TCOF1: variants seen among roughly 807,000 people sequenced by gnomAD.
TCOF1 encodes treacle ribosome biogenesis factor 1, also known as treacle protein.
In TCOF1, 33 loss-of-function variants were observed where a neutral mutation model predicts 149.0. The ratio of observed to expected loss-of-function variants is 0.22; its 90% confidence interval spans 0.17 to 0.30. TCOF1 has a LOEUF of 0.30. Ranked by LOEUF, TCOF1 falls within the 10% of genes least tolerant of loss-of-function variation. The pLI, the probability that TCOF1 is intolerant of heterozygous loss-of-function variation, is 1.00. For synonymous variants in TCOF1, 789 were observed against 738.8 expected, an observed-to-expected ratio of 1.07 and a Z score of -1.10; for missense variants, 1,728 against 1,840.7, an observed-to-expected ratio of 0.94 and a Z score of 1.12.
Position 150,397,683 on chromosome 5 carries a change from C to T in TCOF1, c.4346-671C>T, listed in dbSNP as rs867031998. ...AGCCAGCTCGTTCTGGAACAAAAGT[C>T]GGGCACCCTCAGAGCAGGACTTGCA... is the stretch of plus-strand genomic sequence containing the variant. On this transcript the variant is annotated intron_variant, in intron 24 of 26. Coordinates refer to ENST00000643257, the MANE Select transcript of TCOF1 (RefSeq NM_001371623.1). Among the ~76,000 whole-genome samples the T allele has an allele frequency of 7.9e-5, 12 of 152,292 alleles. No homozygotes were observed. The South Asian group carries it at 1.2e-3, about 16-fold the overall frequency.
chr5:150,396,854 C>T lies in TCOF1; in HGVS notation c.4345+12C>T. The T allele has an allele frequency of 1.3e-6, 2 of 1,581,488 alleles. No homozygotes were observed. The highest frequency in any genetic ancestry group is 1.7e-6 in the Non-Finnish European group (2 of 1,164,546). ...GAAATCCGACAAGAGTGAGTGACCG[C>T]TTCTCCCAGCCCACCCCAAGGGCTG... On this transcript the variant is annotated intron_variant, in intron 24 of 26. Coordinates refer to ENST00000643257, the MANE Select transcript of TCOF1 (RefSeq NM_001371623.1).
At chr5:150,372,284 A>AAG in intron 7 of TCOF1, 48 bp downstream of exon 7, 1 of 1,510,864 alleles carries the variant, frequency 6.6e-7, no homozygotes. Context: ...CGGGTCCCCC[A>AAG]GCAGCCTGAG....
chr5:150,392,558 T>G, intron 21 of TCOF1, 147 bp from the exon 22 acceptor site: 1 of 751,860 alleles, frequency 1.3e-6, no homozygotes, highest in Non-Finnish European at 2.3e-6. Context: ...CAAGGAGTGT[T>G]GAAGCAGTAG....
chr5:150,383,271 A>G (rs1290523188), intron 17 of TCOF1: 17 of 991,720 alleles, frequency 1.7e-5, no homozygotes, highest in African/African-American at 9.8e-5. Context: ...AAATCTCGCC[A>G]TATTTAAACA....
chr5:150,369,519 C>T lies in TCOF1; in HGVS notation c.566-10C>T, dbSNP rs750736262. On this transcript the variant is annotated splice_polypyrimidine_tract_variant and intron_variant, in intron 5 of 26. Coordinates refer to ENST00000643257, the MANE Select transcript of TCOF1 (RefSeq NM_001371623.1). Reference sequence around the variant, plus strand: ...GGAGTCCCTCAGTCCCCTCCGTGTCCGATCCTCAGGGATGGTGTCAGCGGG... The same window carrying T: ...GGAGTCCCTCAGTCCCCTCCGTGTCTGATCCTCAGGGATGGTGTCAGCGGG... The T allele has an allele frequency of 1.1e-4, 170 of 1,614,004 alleles. No individual in the cohort carries two copies. Among genetic ancestry groups the T allele is most frequent in the Non-Finnish European group, 1.1e-4 (128 of 1,179,998 alleles).
rs1762741467 is a variant in TCOF1 at position 150,372,385 on chromosome 5, G to A, written c.870+149G>A. 4 of 711,576 alleles carry A rather than the reference G, an allele frequency of 5.6e-6. No homozygotes were observed. In the East Asian group the frequency reaches 1.1e-4, roughly 19 times the overall value. 44.1% of individuals were successfully genotyped at this position (711,576 alleles called of 1,614,324 possible). ...GAGCAAGAACAGCCTGCTTCCCACAGGGGAGTCTTGCACTCCACTTTGTCT... is the reference window on the plus strand; with the variant it reads ...GAGCAAGAACAGCCTGCTTCCCACAAGGGAGTCTTGCACTCCACTTTGTCT... On this transcript the variant is annotated intron_variant, in intron 7 of 26. Transcript: ENST00000643257.
intron 5 of TCOF1, 31 bp downstream of exon 5, chr5:150,368,933 C>T (rs773177845): frequency 6.2e-7 from 1 of 1,612,246 alleles, no homozygotes; most frequent in African/African-American, 1.3e-5. Flanking sequence ...GGAACCTAGT[C>T]CCCAGAACTT....
At position 150,383,243 on chromosome 5, in the gene TCOF1, A is replaced by C; in HGVS notation, c.2859+3511A>C. ...GCTGGCAGGCCTTGCAGGAGAGGGC[A>C]GATCTTGCCCATAGGGAAAATCTCG... is the stretch of plus-strand genomic sequence containing the variant. On this transcript the variant is annotated intron_variant, in intron 17 of 26. Transcript: ENST00000643257. 4.5e-6 allele frequency: 6 copies of C among 1,319,404 alleles called. No individual in the cohort carries two copies. The South Asian group carries it at 5.6e-5, about 12-fold the overall frequency. 81.7% of individuals were successfully genotyped at this position (1,319,404 alleles called of 1,614,324 possible). A position where few individuals can be genotyped will look rare whatever the true frequency, so the allele number is the denominator to read the frequency against.
intron 5 of TCOF1, 96 bp downstream of exon 5, chr5:150,368,998 CAA>C: frequency 6.6e-7 from 1 of 1,510,232 alleles, no homozygotes; most frequent in Middle Eastern, 2.3e-4. Flanking sequence ...TTTCTGGAAT[CAA>C]AAGTTTGTCT....
At chr5:150,360,424 A>G (rs928316456) in intron 1 of TCOF1, among the ~76,000 whole-genome samples, 1 of 152,186 alleles carries the variant, frequency 6.6e-6, no homozygotes, top group African/African-American at 2.4e-5. Flanking sequence ...GACTGTGGTC[A>G]TGCCACCTGG....
chr5:150,369,722 AG>A, intron 6 of TCOF1, 120 bp downstream of exon 6: 1 of 1,133,954 alleles, frequency 8.8e-7, no homozygotes, highest in South Asian at 1.3e-5. Context: ...TAGGGTGACC[AG>A]GAGCTGGAAA....
chr5:150,395,072 G>A (rs554169806), intron 23 of TCOF1, among the ~76,000 whole-genome samples: 41 of 152,238 alleles, frequency 2.7e-4, no homozygotes, highest in Middle Eastern at 3.4e-3. Flanking sequence ...CAGCCGTCCC[G>A]GGGGCCCCTC....
At position 150,368,841 on chromosome 5, in the gene TCOF1, G is replaced by A. The variant is rs949204601; in HGVS notation, c.504G>A (p.Thr168=). 13 of 1,613,928 alleles carry A rather than the reference G, an allele frequency of 8.1e-6. No homozygotes were observed. Among genetic ancestry groups the A allele is most frequent in the Middle Eastern group, 1.6e-4 (1 of 6,084 alleles). Reference sequence around the variant, plus strand: ...CAGCAGAGCCCTCAGCAAATACTACGTTGGTCTCAGAAACTGAGGAGGAGG... The same window carrying A: ...CAGCAGAGCCCTCAGCAAATACTACATTGGTCTCAGAAACTGAGGAGGAGG... ...RKSAEPSANT[T]LVSETEEEGS... The change falls in exon 5 of 27, where the codon ACG becomes ACA. Residue 168 remains threonine, a synonymous_variant. Transcript: ENST00000643257.
At chr5:150,388,767 G>A (rs184461933) in intron 18 of TCOF1, among the ~76,000 whole-genome samples, 210 of 150,234 alleles carry the variant, frequency 1.4e-3, no homozygotes, top group African/African-American at 5.0e-3. Context: ...GCGAAACCCC[G>A]TCTCTACTAA....
Position 150,387,927 on chromosome 5 carries a change from T to C in TCOF1, c.2885T>C (p.Val962Ala). ...GTGATTAAACCCCCTCTGATTTTTG[T>C]CGACCCTAATCGTAGTCCAGCTGGC... ...AQVIKPPLIFVDPNRSPAGPA... is the reference protein window; with the variant it reads ...AQVIKPPLIFADPNRSPAGPA... Residue 962 changes from valine to alanine, a missense_variant, in exon 18 of 27, where the codon GTC becomes GCC. Physicochemically the swap from Val to Ala is moderately conservative, Grantham distance 64. This residue lies in a region of TCOF1 where 1,696 missense variants were observed against 1,765.4 expected (regional missense o/e 0.96). Coordinates refer to ENST00000643257, the MANE Select transcript of TCOF1 (RefSeq NM_001371623.1). 1.2e-6 allele frequency: 2 copies of C among 1,614,006 alleles called. No homozygotes were observed. The highest frequency in any genetic ancestry group is 1.7e-6 in the Non-Finnish European group (2 of 1,180,034).
At position 150,379,628 on chromosome 5, in the gene TCOF1, A is replaced by C. The variant is rs1463152872; in HGVS notation, c.2755A>C (p.Thr919Pro). ...GGCTGCCCCAACACCTCCTGGGAAG[A>C]CAGGGCCTTCGGCTGCCCAGGCAGG... ...KGAAPTPPGK[T>P]GPSAAQAGKQ... Residue 919 changes from threonine (T) to proline (P), a missense_variant, in exon 17 of 27, where the codon ACA (threonine) becomes CCA (proline). Thr to Pro is a conservative substitution (Grantham distance 38). This residue lies in a region of TCOF1 where 1,696 missense variants were observed against 1,765.4 expected (regional missense o/e 0.96). Transcript: ENST00000643257. The C allele has an allele frequency of 1.4e-5, 23 of 1,613,860 alleles. No homozygotes were observed. The highest frequency in any genetic ancestry group is 1.9e-5 in the Non-Finnish European group (22 of 1,179,956).
intron 23 of TCOF1, 68 bp downstream of exon 23, chr5:150,393,620 C>T (rs1272583143): frequency 3.1e-6 from 5 of 1,596,012 alleles, no homozygotes; most frequent in South Asian, 1.1e-5. Context: ...CCCTTCTTGC[C>T]CTCCTGTAGC....
intron 19 of TCOF1, 131 bp downstream of exon 19, chr5:150,390,154 G>T (rs1436836152): frequency 7.0e-6 from 10 of 1,427,162 alleles, no homozygotes; most frequent in Non-Finnish European, 8.6e-6. Flanking sequence ...TGGCCTCACA[G>T]CCAGAGGCTT....
chr5:150,374,854 C>T (rs1763370942), intron 9 of TCOF1, 43 bp downstream of exon 9: 2 of 1,608,504 alleles, frequency 1.2e-6, no homozygotes, highest in Non-Finnish European at 1.7e-6. Flanking sequence ...CATGCCTAAA[C>T]CCCAGCACCT....
Sources: gnomAD v4.1 joint callset for allele counts (sites outside exome capture counted in the v4.1 genomes callset) on GRCh38, gnomAD v4.1.1 for gene constraint, gnomAD v4.1.1 regional missense constraint, MANE v1.5 for transcripts, NCBI Gene and HGNC (gene_info 2026-07-23, HGNC 2026-07-21) for gene names.